KIAA0319: variants seen among roughly 807,000 people sequenced by gnomAD.
KIAA0319 encodes the protein KIAA0319, also known as dyslexia-associated protein KIAA0319.
A neutral mutation model predicts 108.4 loss-of-function variants in KIAA0319; 83 were observed. The observed-to-expected ratio is 0.77, with a 90% CI of 0.64 to 0.92. The LOEUF is 0.92. Among genes scored for constraint, KIAA0319 ranks in the 40% least tolerant of loss-of-function variants. The pLI, the probability that KIAA0319 is intolerant of heterozygous loss-of-function variation, is 0.00. For missense variants in KIAA0319, 1,195 were observed against 1,322.4 expected (o/e 0.90, Z 1.49); for synonymous variants, 484 against 510.4 (o/e 0.95, Z 0.70).
At chr6:24,559,263 GCT>G (rs1762763039) in intron 16 of KIAA0319, 108 bp from the exon 17 acceptor site, 2 of 1,250,038 alleles carry the variant, frequency 1.6e-6, no homozygotes, top group African/African-American at 3.0e-5. Flanking sequence ...GACGGCTACA[GCT>G]CTGTGGCTTG....
intron 1 of KIAA0319, among the ~76,000 whole-genome samples, chr6:24,617,759 G>A (rs1391145148): frequency 1.3e-5 from 2 of 152,284 alleles, no homozygotes; most frequent in East Asian, 1.9e-4. Flanking sequence ...GGCTGATGCG[G>A]GTGGATCACC....
chr6:24,547,081 C>A lies in KIAA0319; in HGVS notation c.*84G>T. 7.1e-7 allele frequency: 1 copy of A among 1,408,938 alleles called. No individual in the cohort carries two copies. The highest frequency in any genetic ancestry group is 9.9e-7 in the Non-Finnish European group (1 of 1,007,524). 87.3% of individuals were successfully genotyped at this position (1,408,938 alleles called of 1,614,324 possible). A position where few individuals can be genotyped will look rare whatever the true frequency, so the allele number is the denominator to read the frequency against. On this transcript the variant is annotated 3_prime_UTR_variant, in exon 21 of 21. Transcript: ENST00000378214. ...TGGGGAAGAAGGTCAATGAACTATT[C>A]TAAAAGAGTGGGTTTTGTGCTGTAA...
chr6:24,595,025 A>T (rs2127519357), intron 3 of KIAA0319, among the ~76,000 whole-genome samples: 1 of 152,168 alleles, frequency 6.6e-6, no homozygotes, highest in African/African-American at 2.4e-5. Context: ...CACTGCAGTG[A>T]CCCTCATTCT....
chr6:24,615,660 C>G (rs1292579778), intron 1 of KIAA0319, among the ~76,000 whole-genome samples: 1 of 152,222 alleles, frequency 6.6e-6, no homozygotes, highest in African/African-American at 2.4e-5. Flanking sequence ...CCTATTCTCT[C>G]CAGCCCCAAG....
At chr6:24,617,105 G>T (rs1346336456) in intron 1 of KIAA0319, among the ~76,000 whole-genome samples, 1 of 152,048 alleles carries the variant, frequency 6.6e-6, no homozygotes, top group Non-Finnish European at 1.5e-5. Context: ...TATCATAAAA[G>T]TAGGAAGGAT....
chr6:24,585,160 G>A lies in KIAA0319; in HGVS notation c.995-1458C>T, dbSNP rs137924646. 2.0e-4 allele frequency among the ~76,000 whole-genome samples: 31 copies of A among 152,114 alleles called. No individual in the cohort carries two copies. In the East Asian group the frequency reaches 2.1e-3, roughly 10 times the overall value. On this transcript the variant is annotated intron_variant, in intron 4 of 20. Coordinates refer to ENST00000378214, the MANE Select transcript of KIAA0319 (RefSeq NM_014809.4). ...TCTGCGACACATGGAGCTTTGATAC[G>A]TCTTCCCTTTTGGAACTACAGGAGA...
intron 20 of KIAA0319, 26 bp downstream of exon 20, chr6:24,551,408 G>A (rs749607427): frequency 6.7e-7 from 1 of 1,498,356 alleles, no homozygotes; most frequent in South Asian, 1.1e-5. Context: ...AAAGGTGCCA[G>A]GCAGTCATTC....
intron 16 of KIAA0319, 76 bp downstream of exon 16, chr6:24,563,283 T>C: frequency 6.8e-7 from 1 of 1,471,948 alleles, no homozygotes; most frequent in Non-Finnish European, 9.1e-7. Flanking sequence ...AATGAACAGT[T>C]TTCTACTGGA....
chr6:24,558,205 A>C (rs2760168), intron 17 of KIAA0319, among the ~76,000 whole-genome samples: 44,446 of 151,722 alleles, frequency 0.29, 7,816 homozygotes, highest in African/African-American at 0.5. Flanking sequence ...GAGTTTGAGA[A>C]CAGCCTGGCC....
Position 24,588,715 on chromosome 6 carries a change from G to A in KIAA0319, c.872C>T (p.Pro291Leu), listed in dbSNP as rs1163484193. 10 of 1,613,964 alleles carry A rather than the reference G, an allele frequency of 6.2e-6. No individual in the cohort carries two copies. Among genetic ancestry groups the A allele is most frequent in the Non-Finnish European group, 8.5e-6 (10 of 1,179,990 alleles). Residue 291 changes from proline to leucine, a missense_variant, in exon 4 of 21, where the codon CCA (proline) becomes CTA (leucine). Transcript: ENST00000378214. ...ACTCCCCGGGGTGACTGTGAGCACT[G>A]GGCTTTTCTCCACGGTGACTGAGCT... ...ELSSVTVEKSPVLTVTPGSTE... is the reference protein window; with the variant it reads ...ELSSVTVEKSLVLTVTPGSTE...
intron 11 of KIAA0319, among the ~76,000 whole-genome samples, chr6:24,570,706 G>A (rs1403806179): frequency 1.3e-5 from 2 of 149,486 alleles, no homozygotes; most frequent in Non-Finnish European, 3.0e-5. Flanking sequence ...GGAAGAGAGA[G>A]AGGGAGGGAG....
chr6:24,613,026 C>G (rs1273787397), intron 1 of KIAA0319, among the ~76,000 whole-genome samples: 2 of 152,200 alleles, frequency 1.3e-5, no homozygotes, highest in African/African-American at 4.8e-5. Flanking sequence ...GTCTCGATCT[C>G]CTGACCTGGT....
At position 24,547,198 on chromosome 6, in the gene KIAA0319, T is replaced by G; in HGVS notation, c.3186A>C (p.Gly1062=). 6.2e-7 allele frequency: 1 copy of G among 1,614,148 alleles called. No individual in the cohort carries two copies. The highest frequency in any genetic ancestry group is 8.5e-7 in the Non-Finnish European group (1 of 1,179,998). Residue 1062 remains glycine, a synonymous_variant, in exon 21 of 21, where the codon GGA becomes GGC. Coordinates refer to ENST00000378214, the MANE Select transcript of KIAA0319 (RefSeq NM_014809.4). ...KVSMNGSIRN[G]ASFSYCSKDR is the part of the protein sequence containing the mutation. ...CCTTTGAGCAATAACTGAAGGAAGC[T>G]CCATTTCTGATGGAACCATTCATGG...
At chr6:24,564,180 G>A in intron 15 of KIAA0319, 22 bp downstream of exon 15, 1 of 1,613,904 alleles carries the variant, frequency 6.2e-7, no homozygotes, top group Non-Finnish European at 8.5e-7. Context: ...TGCATGGCCA[G>A]CTCCAGAGCC....
intron 1 of KIAA0319, among the ~76,000 whole-genome samples, chr6:24,612,786 C>G (rs1244382752): frequency 1.3e-5 from 2 of 151,898 alleles, no homozygotes; most frequent in African/African-American, 4.8e-5. Flanking sequence ...AGAGAGGGCT[C>G]AGGGAGAATT....
chr6:24,573,998 C>T (rs1171096894), intron 10 of KIAA0319, among the ~76,000 whole-genome samples: 2 of 151,988 alleles, frequency 1.3e-5, no homozygotes, highest in South Asian at 2.1e-4. Flanking sequence ...ACCTGTAATC[C>T]CAGCTACTCA....
chr6:24,617,606 T>C (rs1773335701), intron 1 of KIAA0319, among the ~76,000 whole-genome samples: 1 of 152,114 alleles, frequency 6.6e-6, no homozygotes, highest in Non-Finnish European at 1.5e-5. Context: ...GTTTCATGGA[T>C]GCACAGAGGA....
intron 10 of KIAA0319, among the ~76,000 whole-genome samples, 172 bp downstream of exon 10, chr6:24,576,196 T>G (rs926815393): frequency 6.6e-6 from 1 of 152,222 alleles, no homozygotes; most frequent in African/African-American, 2.4e-5. Flanking sequence ...GGGGAAGGGA[T>G]GTAAACTTGG....
At chr6:24,633,941 A>G (rs990969870) in intron 1 of KIAA0319, among the ~76,000 whole-genome samples, 6 of 152,234 alleles carry the variant, frequency 3.9e-5, no homozygotes, top group Admixed American at 1.3e-4. Flanking sequence ...AAAGACAAAC[A>G]AAAAATTAAT....
Sources: gnomAD v4.1 joint callset for allele counts (sites outside exome capture counted in the v4.1 genomes callset) on GRCh38, gnomAD v4.1.1 for gene constraint, MANE v1.5 for transcripts, NCBI Gene and HGNC (gene_info 2026-07-23, HGNC 2026-07-21) for gene names.